Variants in WWOX observed in about 807,000 individuals in gnomAD.
WWOX encodes the protein WW domain containing oxidoreductase.
In WWOX, 69 loss-of-function variants were observed where a neutral mutation model predicts 46.2. The ratio of observed to expected loss-of-function variants is 1.49; its 90% CI spans 1.23 to 1.82. The LOEUF is 1.82. Among genes scored for constraint, WWOX ranks in the 40% most tolerant of loss-of-function variants. The pLI is 0.00. For synonymous variants in WWOX, 359 were observed against 202.6 expected, an observed-to-expected ratio of 1.77 and a Z score of -6.56; for missense variants, 919 against 542.6, an observed-to-expected ratio of 1.69 and a Z score of -6.89.
At position 78,367,392 on chromosome 16, in the gene WWOX, CATG is replaced by C. The variant is rs533620110; in HGVS notation, c.517-19463_517-19461del. On this transcript the variant is annotated intron_variant, in intron 5 of 8. Transcript: ENST00000566780. ...CACAAATGTATAAACTTGCTTAAAA[CATG>C]ATGAGATATTTTTTGCCATTTTTTT... Among the ~76,000 whole-genome samples the C allele has an allele frequency of 1.6e-3, 218 of 132,482 alleles. 1 individual carries two copies. Among genetic ancestry groups the C allele is most frequent in the African/African-American group, 6.3e-3 (213 of 33,698 alleles). The allele number at this position is 132,482 out of a possible 152,430, so 86.9% of individuals were successfully genotyped here. A position where few individuals can be genotyped will look rare whatever the true frequency, so the allele number is the denominator to read the frequency against.
chr16:78,574,865 C>A, intron 8 of WWOX, among the ~76,000 whole-genome samples: 1 of 148,892 alleles, frequency 6.7e-6, no homozygotes, highest in Non-Finnish European at 1.5e-5. Flanking sequence ...TAAACCAGTT[C>A]TGGAGATCTA....
At chr16:78,798,934 T>G (rs1041134687) in intron 8 of WWOX, among the ~76,000 whole-genome samples, 1 of 152,194 alleles carries the variant, frequency 6.6e-6, no homozygotes, top group Non-Finnish European at 1.5e-5. Context: ...AGTGGTTTTA[T>G]GGCATTTTGT....
intron 6 of WWOX, among the ~76,000 whole-genome samples, chr16:78,410,368 G>A (rs938412778): frequency 6.6e-6 from 1 of 152,298 alleles, no homozygotes; most frequent in African/African-American, 2.4e-5. Flanking sequence ...ACCATGTAAG[G>A]TAATATGTTC....
At chr16:78,666,712 T>A (rs1822144226) in intron 8 of WWOX, among the ~76,000 whole-genome samples, 1 of 152,188 alleles carries the variant, frequency 6.6e-6, no homozygotes, top group South Asian at 2.1e-4. Context: ...CAGGGGGGAT[T>A]TACATCAGTT....
chr16:78,281,241 G>A (rs529608201), intron 5 of WWOX, among the ~76,000 whole-genome samples: 9 of 152,308 alleles, frequency 5.9e-5, no homozygotes, highest in Non-Finnish European at 8.8e-5. Context: ...TGAAGACAGC[G>A]CCAAGCCATG....
intron 5 of WWOX, among the ~76,000 whole-genome samples, chr16:78,209,587 C>G (rs2036495886): frequency 6.6e-6 from 1 of 152,068 alleles, no homozygotes. Context: ...TCCCATGATT[C>G]TTGCTATTCT....
Position 78,571,367 on chromosome 16 carries a change from G to GTA in WWOX, c.1056+138628_1056+138629dup, listed in dbSNP as rs537367904. Among the ~76,000 whole-genome samples the GTA allele has an allele frequency of 1.7e-3, 258 of 150,948 alleles. 3 individuals are homozygous for GTA. The highest frequency in any genetic ancestry group is 3.4e-3 in the Middle Eastern group (1 of 294). The stretch of plus-strand genomic sequence containing the variant: ...CTTTGTGAAATGTCCCATTAAATGT[G>GTA]TATATATATATATAGTGTGCATTAC... On this transcript the variant is annotated intron_variant, in intron 8 of 8. Transcript: ENST00000566780.
intron 8 of WWOX, among the ~76,000 whole-genome samples, chr16:78,469,956 G>C (rs1440244539): frequency 3.3e-5 from 5 of 152,324 alleles, no homozygotes; most frequent in African/African-American, 9.6e-5. Context: ...TTGTATGTTG[G>C]TACGTTATTG....
chr16:79,095,848 TTCTC>T (rs1295307264), intron 8 of WWOX, among the ~76,000 whole-genome samples: 6 of 146,236 alleles, frequency 4.1e-5, no homozygotes, highest in African/African-American at 1.0e-4. Context: ...CACTGCTCAA[TTCTC>T]TCTCTCTCTT....
intron 4 of WWOX, among the ~76,000 whole-genome samples, chr16:78,129,201 C>T (rs974461343): frequency 2.6e-5 from 4 of 152,098 alleles, no homozygotes; most frequent in African/African-American, 9.7e-5. Context: ...CTGGCCTGAT[C>T]CGGGAGGGAT....
chr16:78,284,299 C>T (rs959657797), intron 5 of WWOX, among the ~76,000 whole-genome samples: 2 of 152,282 alleles, frequency 1.3e-5, no homozygotes, highest in Non-Finnish European at 2.9e-5. Context: ...TGTAAGGTGG[C>T]TCCGATTCTC....
intron 8 of WWOX, among the ~76,000 whole-genome samples, chr16:78,911,571 G>A (rs899270670): frequency 6.6e-6 from 1 of 151,996 alleles, no homozygotes; most frequent in African/African-American, 2.4e-5. Context: ...TGGCAATGTT[G>A]TAAGAAACAC....
At chr16:78,838,516 A>G (rs905974893) in intron 8 of WWOX, among the ~76,000 whole-genome samples, 1 of 152,232 alleles carries the variant, frequency 6.6e-6, no homozygotes, top group African/African-American at 2.4e-5. Context: ...TTCCATTTAC[A>G]TAATGTTCTT....
intron 8 of WWOX, among the ~76,000 whole-genome samples, chr16:78,845,161 A>T (rs2052265803): frequency 6.7e-6 from 1 of 149,774 alleles, no homozygotes. Flanking sequence ...TCAAATACCA[A>T]AGTACTTCTA....
chr16:78,868,930 C>T (rs557255276), intron 8 of WWOX, among the ~76,000 whole-genome samples: 3 of 152,108 alleles, frequency 2.0e-5, no homozygotes, highest in Admixed American at 6.6e-5. Flanking sequence ...TTAAAACACA[C>T]CTGCGTGCAA....
intron 8 of WWOX, among the ~76,000 whole-genome samples, chr16:78,841,412 A>G (rs2052146331): frequency 6.6e-6 from 1 of 152,224 alleles, no homozygotes; most frequent in Non-Finnish European, 1.5e-5. Context: ...TGTTTCTTCC[A>G]AAATCTGGAT....
intron 8 of WWOX, chr16:78,691,241 G>T (rs556961940): frequency 4.3e-6 from 3 of 702,164 alleles, no homozygotes; most frequent in Non-Finnish European, 7.8e-6. Context: ...TGTGATTCCA[G>T]GTTTCAGACT....
chr16:78,335,680 A>G (rs186391179), intron 5 of WWOX, among the ~76,000 whole-genome samples: 117 of 152,302 alleles, frequency 7.7e-4, no homozygotes, highest in South Asian at 1.9e-3. Context: ...CACAGTAGAA[A>G]AGACATGGAA....
intron 8 of WWOX, among the ~76,000 whole-genome samples, chr16:78,662,593 C>T (rs145023868): frequency 5.9e-4 from 90 of 152,184 alleles, no homozygotes; most frequent in African/African-American, 2.0e-3. Context: ...ACCAGGCAGT[C>T]GTGGGCTTGA....
Sources: gnomAD v4.1 joint callset for allele counts (sites outside exome capture counted in the v4.1 genomes callset) on GRCh38, gnomAD v4.1.1 for gene constraint, MANE v1.5 for transcripts, NCBI Gene and HGNC (gene_info 2026-07-23, HGNC 2026-07-21) for gene names.